HS3ST4: variants seen among roughly 807,000 people sequenced by gnomAD.
The protein encoded by HS3ST4 is heparan sulfate glucosamine 3-O-sulfotransferase 4.
Under a neutral mutation model 29.2 loss-of-function variants are expected in HS3ST4, and 17 were observed. That is an observed-to-expected ratio of 0.58 (90% confidence interval 0.40 to 0.87). The LOEUF (loss-of-function observed/expected upper bound fraction) is 0.87. HS3ST4 is among the 40% of genes least tolerant of loss of function. The probability of loss-of-function intolerance (pLI) is 0.00; values close to 1 mark genes in which losing one functional copy is unlikely to be tolerated. For missense variants in HS3ST4, 627 were observed against 634.5 expected, an observed-to-expected ratio of 0.99 and a Z score of 0.13; for synonymous variants, 314 against 285.7, an observed-to-expected ratio of 1.10 and a Z score of -1.00.
Position 25,963,431 on chromosome 16 carries a change from C to G in HS3ST4, c.735-172181C>G, listed in dbSNP as rs565753086. On this transcript the variant is annotated intron_variant, in intron 1 of 1. Coordinates refer to ENST00000331351, the MANE Select transcript of HS3ST4 (RefSeq NM_006040.3). ...CCCATTGTTAGTCTTGTCTGTATGG[C>G]TCTAGAATATTGGGAATATTCCCAC... Among the ~76,000 whole-genome samples the G allele has an allele frequency of 2.6e-5, 4 of 152,326 alleles. No individual in the cohort carries two copies. The South Asian group carries it at 8.3e-4, about 32-fold the overall frequency.
rs368362505 is a variant in HS3ST4, at chr16:25,742,374, G to T, written c.734+49223G>T. ...AAAATCTCAGTGTTGATTCTCACTG[G>T]ACCCACTTAGGTCATCTATTCACTC... On this transcript the variant is annotated intron_variant, in intron 1 of 1. Transcript: ENST00000331351. Among the ~76,000 whole-genome samples, 16 of 152,226 alleles carry T rather than the reference G, an allele frequency of 1.1e-4. No individual in the cohort carries two copies. The East Asian group carries it at 2.7e-3, about 26-fold the overall frequency.
At chr16:26,077,151 C>T (rs1052005155) in intron 1 of HS3ST4, among the ~76,000 whole-genome samples, 1 of 152,212 alleles carries the variant, frequency 6.6e-6, no homozygotes, top group Non-Finnish European at 1.5e-5. Flanking sequence ...GTTCACTGGG[C>T]CACCTCAGTC....
intron 1 of HS3ST4, among the ~76,000 whole-genome samples, chr16:26,058,540 C>T (rs1898438999): frequency 6.6e-6 from 1 of 152,102 alleles, no homozygotes; most frequent in Admixed American, 6.6e-5. Flanking sequence ...GCTAAAAGGT[C>T]TTAATGGATT....
intron 1 of HS3ST4, among the ~76,000 whole-genome samples, chr16:25,945,231 AGTGT>A: frequency 6.6e-6 from 1 of 152,300 alleles, no homozygotes. Flanking sequence ...GTGCATATTG[AGTGT>A]GTGTACTTAA....
At chr16:25,904,144 ATGG>A (rs1247611248) in intron 1 of HS3ST4, among the ~76,000 whole-genome samples, 3,585 of 86,370 alleles carry the variant, frequency 0.042, 119 homozygotes, top group African/African-American at 0.15. Context: ...GGATGGATGG[ATGG>A]ATGGATGAAT....
chr16:25,693,071 C>G lies in HS3ST4; in HGVS notation c.654C>G (p.Arg218=). 6.2e-7 allele frequency: 1 copy of G among 1,608,388 alleles called. No individual in the cohort carries two copies. The part of the protein sequence containing the change: ...GGTRALLEAI[R]VHPDVRAVGV... ...CCCGCGCGCTGCTGGAGGCGATCCG[C>G]GTGCACCCGGACGTGCGGGCGGTGG... The change falls in exon 1 of 2, where the codon CGC becomes CGG. Residue 218 remains arginine, a synonymous_variant. Transcript: ENST00000331351.
chr16:25,722,674 A>G (rs1966505880), intron 1 of HS3ST4, among the ~76,000 whole-genome samples: 1 of 152,194 alleles, frequency 6.6e-6, no homozygotes, highest in African/African-American at 2.4e-5. Context: ...GTGAGGCATC[A>G]CAGGCTCTGG....
At chr16:25,827,489 T>TA (rs1967230982) in intron 1 of HS3ST4, among the ~76,000 whole-genome samples, 1 of 149,194 alleles carries the variant, frequency 6.7e-6, no homozygotes, top group Admixed American at 6.7e-5. Flanking sequence ...TTTCAAAACT[T>TA]ACTGTTAATT....
chr16:26,044,634 A>G (rs1034531492), intron 1 of HS3ST4, among the ~76,000 whole-genome samples: 1 of 152,170 alleles, frequency 6.6e-6, no homozygotes, highest in African/African-American at 2.4e-5. Context: ...TTAAAAAAAA[A>G]TAGGAGGGAT....
At chr16:26,123,044 ACT>A (rs1233017408) in intron 1 of HS3ST4, among the ~76,000 whole-genome samples, 4 of 143,712 alleles carry the variant, frequency 2.8e-5, no homozygotes, top group Non-Finnish European at 6.0e-5. Flanking sequence ...ATAGAGTGAG[ACT>A]CTGTCTCAAA....
chr16:26,136,617 T>G lies in HS3ST4; in HGVS notation c.*369T>G. 4.3e-6 allele frequency: 1 copy of G among 233,372 alleles called. No homozygotes were observed. Among genetic ancestry groups the G allele is most frequent in the Non-Finnish European group, 8.4e-6 (1 of 118,822 alleles). The allele number at this position is 233,372 out of a possible 1,614,324, so 14.5% of individuals were successfully genotyped here. ...ACAAAAAAGGTCTGCTTTATAGGGG[T>G]TCTCACTCTAGCTTGGGGAGCCAGG... On this transcript the variant is annotated 3_prime_UTR_variant, in exon 2 of 2. Coordinates refer to ENST00000331351, the MANE Select transcript of HS3ST4 (RefSeq NM_006040.3).
intron 1 of HS3ST4, among the ~76,000 whole-genome samples, chr16:25,884,087 T>A (rs1967922244): frequency 6.6e-6 from 1 of 151,336 alleles, no homozygotes; most frequent in Non-Finnish European, 1.5e-5. Flanking sequence ...CACTTCAGCC[T>A]GGGTGACAAG....
intron 1 of HS3ST4, chr16:26,032,893 G>A (rs965395776): frequency 1.6e-4 from 184 of 1,162,636 alleles, no homozygotes; most frequent in Non-Finnish European, 2.1e-4. Flanking sequence ...TCTGGGGGTC[G>A]TTCTCGCCTC....
chr16:26,045,541 T>G (rs1307103063), intron 1 of HS3ST4, among the ~76,000 whole-genome samples: 1 of 152,126 alleles, frequency 6.6e-6, no homozygotes, highest in Admixed American at 6.5e-5. Context: ...GGCTCACCAG[T>G]GTAGACTGTC....
intron 1 of HS3ST4, among the ~76,000 whole-genome samples, chr16:25,955,912 T>A (rs550718361): frequency 6.6e-6 from 1 of 151,764 alleles, no homozygotes; most frequent in Admixed American, 6.6e-5. Flanking sequence ...CCTCCTGGGT[T>A]CAAGCAATTC....
intron 1 of HS3ST4, among the ~76,000 whole-genome samples, chr16:26,107,413 T>G (rs1285392374): frequency 1.3e-5 from 2 of 152,084 alleles, no homozygotes; most frequent in Non-Finnish European, 2.9e-5. Context: ...TTTCAATAGC[T>G]TTTGGGGTAC....
chr16:25,814,257 A>G (rs1967069987), intron 1 of HS3ST4, among the ~76,000 whole-genome samples: 1 of 152,174 alleles, frequency 6.6e-6, no homozygotes, highest in Non-Finnish European at 1.5e-5. Flanking sequence ...GGAATGCAGC[A>G]GAAAATTAAA....
intron 1 of HS3ST4, among the ~76,000 whole-genome samples, chr16:26,133,623 C>T (rs767007411): frequency 9.2e-5 from 14 of 152,206 alleles, no homozygotes; most frequent in Non-Finnish European, 1.5e-4. Flanking sequence ...AATTTCTCTA[C>T]GAGGCAAATT....
At chr16:25,775,078 A>G (rs549261294) in intron 1 of HS3ST4, among the ~76,000 whole-genome samples, 78 of 152,370 alleles carry the variant, frequency 5.1e-4, no homozygotes, top group Middle Eastern at 3.4e-3. Context: ...ACATTTATGT[A>G]TAGTTCGTGA....
Sources: allele counts gnomAD v4.1 joint callset (sites outside exome capture counted in the v4.1 genomes callset), GRCh38; gene constraint gnomAD v4.1.1; transcripts MANE v1.5; gene names NCBI Gene and HGNC (gene_info 2026-07-23, HGNC 2026-07-21).